PPM1G: variants seen among roughly 807,000 people sequenced by gnomAD.
The protein encoded by PPM1G is protein phosphatase, Mg2+/Mn2+ dependent 1G.
A neutral mutation model predicts 59.4 loss-of-function variants in PPM1G; 12 were observed. The ratio of observed to expected loss-of-function variants is 0.20; its 90% CI spans 0.13 to 0.33. PPM1G has a LOEUF of 0.33. Ranked by LOEUF, PPM1G falls within the 10% of genes least tolerant of loss-of-function variation. The pLI, the probability that PPM1G is intolerant of heterozygous loss-of-function variation, is 1.00. For missense variants in PPM1G, 392 were observed against 681.3 expected, an observed-to-expected ratio of 0.58 and a Z score of 4.73; for synonymous variants, 245 against 251.9, an observed-to-expected ratio of 0.97 and a Z score of 0.26.
intron 1 of PPM1G, among the ~76,000 whole-genome samples, chr2:27,390,279 C>T (rs992215468): frequency 1.9e-4 from 29 of 152,152 alleles, no homozygotes; most frequent in Admixed American, 5.2e-4. Context: ...CTCGGCCTCC[C>T]AAAACGCTGG....
chr2:27,397,518 T>C (rs1427113259), intron 1 of PPM1G, among the ~76,000 whole-genome samples: 1 of 152,064 alleles, frequency 6.6e-6, no homozygotes, highest in Non-Finnish European at 1.5e-5. Flanking sequence ...ACCAAAAAAA[T>C]GCAAGGTTGG....
At chr2:27,392,500 G>A (rs1205272858) in intron 1 of PPM1G, among the ~76,000 whole-genome samples, 1 of 149,814 alleles carries the variant, frequency 6.7e-6, no homozygotes, top group Non-Finnish European at 1.5e-5. Context: ...TCACCATGTT[G>A]CCCAGGCTGG....
At chr2:27,395,510 TAG>T (rs1414300139) in intron 1 of PPM1G, among the ~76,000 whole-genome samples, 1 of 150,038 alleles carries the variant, frequency 6.7e-6, no homozygotes, top group East Asian at 2.0e-4. Context: ...GCCTGGGCAA[TAG>T]AGTGAGACTC....
At chr2:27,387,187 T>C in intron 1 of PPM1G, 29 bp from the exon 2 acceptor site, 1 of 1,576,098 alleles carries the variant, frequency 6.3e-7, no homozygotes, top group Non-Finnish European at 8.7e-7. Flanking sequence ...AATCGGCATG[T>C]CTCAAGGTCG....
In PPM1G at chr2:27,384,018, C is replaced by A; in HGVS notation, c.900G>T (p.Glu300Asp). 6.3e-7 allele frequency: 1 copy of A among 1,598,082 alleles called. No individual in the cohort carries two copies. Among genetic ancestry groups the A allele is most frequent in the Non-Finnish European group, 8.5e-7 (1 of 1,172,040 alleles). The change falls in exon 6 of 10, where the codon GAG (glutamate) becomes GAT (aspartate). Residue 300 changes from glutamate (E) to aspartate (D), a missense_variant. By Grantham distance (45) the Glu-to-Asp change is conservative. Transcript: ENST00000344034. This position sits in a 1 kb window ranked among gnomAD's most constrained non-coding sequence, Gnocchi z 4.8. ...CTTCTTCTTCATCGTCCTCTTCAGC[C>A]TCCTCGGTGTCATCCTCATCTTCCT... is the stretch of plus-strand genomic sequence containing the variant. ...ENEEDEDDTE[E>D]AEEDDEEEEE...
intron 1 of PPM1G, among the ~76,000 whole-genome samples, chr2:27,408,133 G>A (rs1388254604): frequency 6.6e-6 from 1 of 151,746 alleles, no homozygotes; most frequent in Non-Finnish European, 1.5e-5. Flanking sequence ...TTATAAAATT[G>A]TTATTAAGGT....
chr2:27,395,033 C>A (rs1027800823), intron 1 of PPM1G, among the ~76,000 whole-genome samples: 10 of 151,956 alleles, frequency 6.6e-5, no homozygotes, highest in Non-Finnish European at 1.3e-4. Context: ...AGTTTGAGAT[C>A]AGCCTGACCA....
In PPM1G at chr2:27,392,691, CTT is replaced by C. The variant is rs1231339847; in HGVS notation, c.121-5535_121-5534del. On this transcript the variant is annotated intron_variant, in intron 1 of 9. Coordinates refer to ENST00000344034, the MANE Select transcript of PPM1G (RefSeq NM_177983.3). ...AACTTAAGTGGGTGTCTTGGAACAA[CTT>C]ATAGAAAAGGTAAAGGAAACCCCAA... The C allele has an allele frequency of 1.4e-5, 11 of 758,774 alleles. No individual in the cohort carries two copies. In the Admixed American group the frequency reaches 1.7e-4, roughly 12 times the overall value. 47.0% of individuals were successfully genotyped at this position (758,774 alleles called of 1,614,324 possible). A position where few individuals can be genotyped will look rare whatever the true frequency, so the allele number is the denominator to read the frequency against.
At chr2:27,392,398 GAT>G (rs1683937046) in intron 1 of PPM1G, among the ~76,000 whole-genome samples, 1 of 148,876 alleles carries the variant, frequency 6.7e-6, no homozygotes, top group Admixed American at 6.8e-5. Flanking sequence ...AGGTTCAAGT[GAT>G]TCTCATGCCT....
rs753668701 is a variant in PPM1G at position 27,385,921 on chromosome 2, C to A, written c.277-42G>T. 1 of 1,595,398 alleles carries A rather than the reference C, an allele frequency of 6.3e-7. No individual in the cohort carries two copies. Among genetic ancestry groups the A allele is most frequent in the Non-Finnish European group, 8.5e-7 (1 of 1,172,266 alleles). On this transcript the variant is annotated intron_variant, in intron 3 of 9. Coordinates refer to ENST00000344034, the MANE Select transcript of PPM1G (RefSeq NM_177983.3). This position sits in a 1 kb window ranked among gnomAD's most constrained non-coding sequence, Gnocchi z 4.1. ...TAGTCTAAGACTAGTACAAAATGAA[C>A]TCCCTATATACAATCCTGAGCACAA... is the stretch of plus-strand genomic sequence containing the variant.
intron 1 of PPM1G, among the ~76,000 whole-genome samples, chr2:27,409,023 G>C (rs1025880955): frequency 6.6e-6 from 1 of 152,240 alleles, no homozygotes; most frequent in Non-Finnish European, 1.5e-5. Context: ...TGGCACGAGA[G>C]GATGGCGCCA....
At position 27,383,580 on chromosome 2, in the gene PPM1G, T is replaced by G; in HGVS notation, c.987A>C (p.Thr329=). Residue 329 remains threonine, a synonymous_variant, in exon 7 of 10, where the codon ACA becomes ACC. Transcript: ENST00000344034. This position sits in a 1 kb window ranked among gnomAD's most constrained non-coding sequence, Gnocchi z 5.0. The part of the protein sequence containing the change: ...GKEEPGSDSG[T]TAVVALIRGK... ...CTCGTATCAGGGCCACCACCGCTGT[T>G]GTACCACTGTCAGAGCCAGGCTTAA... The G allele has an allele frequency of 6.2e-7, 1 of 1,613,722 alleles. No individual in the cohort carries two copies. Among genetic ancestry groups the G allele is most frequent in the Non-Finnish European group, 8.5e-7 (1 of 1,179,816 alleles).
intron 1 of PPM1G, among the ~76,000 whole-genome samples, chr2:27,408,443 T>C (rs1235115328): frequency 6.6e-6 from 1 of 152,218 alleles, no homozygotes; most frequent in African/African-American, 2.4e-5. Flanking sequence ...CATCAAGTTT[T>C]ACCTAATACT....
At chr2:27,404,088 G>C (rs1663271617) in intron 1 of PPM1G, among the ~76,000 whole-genome samples, 2 of 151,878 alleles carry the variant, frequency 1.3e-5, no homozygotes, top group Admixed American at 1.3e-4. Flanking sequence ...AAATATGCAG[G>C]TATTTTAAGA....
chr2:27,383,790 A>AC lies in PPM1G; in HGVS notation c.966+161dup, dbSNP rs1387092781. Among the ~76,000 whole-genome samples the AC allele has an allele frequency of 6.6e-6, 1 of 152,058 alleles. No individual in the cohort carries two copies. The highest frequency in any genetic ancestry group is 1.5e-5 in the Non-Finnish European group (1 of 68,004). On this transcript the variant is annotated intron_variant, in intron 6 of 9. Coordinates refer to ENST00000344034, the MANE Select transcript of PPM1G (RefSeq NM_177983.3). The surrounding 1 kb of genome is among the most constrained non-coding windows in gnomAD (Gnocchi z 5.0). The stretch of plus-strand genomic sequence containing the variant: ...CTCTCCCTTGTTTTTAGATAATTCA[A>AC]CCCCAAAGGCTTACCATCTCATTCC...
intron 1 of PPM1G, among the ~76,000 whole-genome samples, chr2:27,407,167 T>C (rs543739697): frequency 2.6e-5 from 4 of 152,226 alleles, no homozygotes; most frequent in Admixed American, 2.6e-4. Flanking sequence ...GGTTTCTTCA[T>C]GTTGTCCAGG....
chr2:27,389,259 C>T (rs1462186530), intron 1 of PPM1G, among the ~76,000 whole-genome samples: 1 of 152,168 alleles, frequency 6.6e-6, no homozygotes, highest in African/African-American at 2.4e-5. Context: ...TATACACACA[C>T]ACATACACAT....
At chr2:27,405,827 A>AC (rs1267388307) in intron 1 of PPM1G, among the ~76,000 whole-genome samples, 3 of 151,490 alleles carry the variant, frequency 2.0e-5, no homozygotes, top group Non-Finnish European at 4.4e-5. Context: ...ACATGGAGAG[A>AC]CCCCCATCTC....
Position 27,398,847 on chromosome 2 carries a change from A to C in PPM1G, c.120+10456T>G, listed in dbSNP as rs113813957. On this transcript the variant is annotated intron_variant, in intron 1 of 9. Coordinates refer to ENST00000344034, the MANE Select transcript of PPM1G (RefSeq NM_177983.3). ...AAAAAAAAAAGAAAAAAAAAGAAAG[A>C]AAGCCAGCAAAAAGAATCAGGGTGT... 9.6e-3 allele frequency among the ~76,000 whole-genome samples: 1,455 copies of C among 151,228 alleles called. 18 individuals carry two copies. The highest frequency in any genetic ancestry group is 0.083 in the Middle Eastern group (24 of 290).
Sources: gnomAD v4.1 joint callset for allele counts (sites outside exome capture counted in the v4.1 genomes callset) on GRCh38, gnomAD v4.1.1 for gene constraint, Gnocchi (gnomAD v3.1) non-coding constraint, MANE v1.5 for transcripts, NCBI Gene and HGNC (gene_info 2026-07-23, HGNC 2026-07-21) for gene names.